Variants in HIVEP3 observed in about 807,000 individuals in gnomAD.
The protein encoded by HIVEP3 is HIVEP zinc finger 3, also known as transcription factor HIVEP3.
HIVEP3 carries 49 observed loss-of-function variants against 152.8 expected under a neutral mutation model. The ratio of observed to expected loss-of-function variants is 0.32; its 90% CI spans 0.26 to 0.41. The LOEUF is 0.41. HIVEP3 is among the 10% of genes least tolerant of loss of function. The pLI is 1.00. For synonymous variants in HIVEP3, 1,269 were observed against 1,289.0 expected, an observed-to-expected ratio of 0.98 and a Z score of 0.33; for missense variants, 2,790 against 3,103.3, an observed-to-expected ratio of 0.90 and a Z score of 2.40.
At chr1:42,011,532 C>T (rs748068173) in intron 1 of HIVEP3, among the ~76,000 whole-genome samples, 2 of 152,204 alleles carry the variant, frequency 1.3e-5, no homozygotes, top group Non-Finnish European at 2.9e-5. Context: ...AGATATCACA[C>T]CACCATCACC....
intron 1 of HIVEP3, among the ~76,000 whole-genome samples, chr1:41,914,638 C>T (rs975769380): frequency 1.3e-5 from 2 of 152,190 alleles, no homozygotes; most frequent in African/African-American, 2.4e-5. Flanking sequence ...TGGCACTGCT[C>T]GTGTATCTCA....
chr1:41,984,988 AG>A (rs796593294), intron 1 of HIVEP3, among the ~76,000 whole-genome samples: 22 of 152,138 alleles, frequency 1.4e-4, no homozygotes, highest in African/African-American at 4.1e-4. Flanking sequence ...AAAAAAAAAA[AG>A]GACCTGCTTT....
intron 1 of HIVEP3, among the ~76,000 whole-genome samples, chr1:41,906,122 A>G (rs965130950): frequency 1.3e-5 from 2 of 152,204 alleles, no homozygotes; most frequent in Non-Finnish European, 2.9e-5. Flanking sequence ...AGCCTGACCA[A>G]CATGGTGAAA....
At chr1:41,907,254 T>A (rs1013097801) in intron 1 of HIVEP3, among the ~76,000 whole-genome samples, 4 of 152,132 alleles carry the variant, frequency 2.6e-5, no homozygotes, top group Admixed American at 1.3e-4. Context: ...ACCCCTGAAT[T>A]GTTTTCTCCA....
At chr1:41,525,072 C>A (rs778215899) in intron 5 of HIVEP3, among the ~76,000 whole-genome samples, 162 bp from the exon 6 acceptor site, 12 of 152,190 alleles carry the variant, frequency 7.9e-5, no homozygotes, top group Non-Finnish European at 1.5e-4. Context: ...GGAACTGAGT[C>A]ACCCTGGTGA....
intron 1 of HIVEP3, among the ~76,000 whole-genome samples, chr1:42,022,400 T>TA (rs1645559870): frequency 6.6e-6 from 1 of 152,154 alleles, no homozygotes; most frequent in Admixed American, 6.6e-5. Context: ...CTTCAATACA[T>TA]AGATCAAATC....
chr1:41,685,685 A>T (rs895780973), intron 2 of HIVEP3, among the ~76,000 whole-genome samples: 5 of 152,194 alleles, frequency 3.3e-5, no homozygotes, highest in African/African-American at 1.2e-4. Context: ...TCCTTTTTGG[A>T]ACAGAGTCAG....
intron 2 of HIVEP3, among the ~76,000 whole-genome samples, chr1:41,694,212 C>A (rs1209954533): frequency 1.3e-5 from 2 of 152,080 alleles, no homozygotes; most frequent in Non-Finnish European, 2.9e-5. Flanking sequence ...TGCTTTCTAA[C>A]TGCCTTATTT....
chr1:41,901,376 A>G (rs1188346043), intron 1 of HIVEP3, among the ~76,000 whole-genome samples: 2 of 152,098 alleles, frequency 1.3e-5, no homozygotes, highest in Admixed American at 1.3e-4. Flanking sequence ...TCCAGATGAG[A>G]TGCATGGAAA....
chr1:41,579,805 C>T lies in HIVEP3; in HGVS notation c.4993G>A (p.Ala1665Thr), dbSNP rs766510931. Residue 1665 changes from alanine (A) to threonine (T), a missense_variant, in exon 4 of 9, where the codon GCC becomes ACC. By Grantham distance (58) the Ala-to-Thr change is moderately conservative. Around this residue, in one of 9 missense-constraint regions of HIVEP3, gnomAD observed 1,078 missense variants for 1,165.3 expected, o/e 0.93. Transcript: ENST00000372583. Reference sequence around the variant, plus strand: ...CCTGCCTCAGGATGCGGAGCTGTGGCCATGGTGTATGTCTCTTTGCTCACT... The same window carrying T: ...CCTGCCTCAGGATGCGGAGCTGTGGTCATGGTGTATGTCTCTTTGCTCACT... ...QKVSKETYTMATAPHPEAGRL... is the reference protein window; with the variant it reads ...QKVSKETYTMTTAPHPEAGRL... The T allele has an allele frequency of 1.9e-6, 3 of 1,611,126 alleles. No individual in the cohort carries two copies. In the South Asian group the frequency reaches 3.3e-5, roughly 18 times the overall value.
At chr1:41,721,848 A>G (rs1646678044) in intron 1 of HIVEP3, among the ~76,000 whole-genome samples, 1 of 152,198 alleles carries the variant, frequency 6.6e-6, no homozygotes, top group African/African-American at 2.4e-5. Context: ...GGTGCTGTCC[A>G]TCGGTGCACA....
chr1:41,816,315 G>T (rs1405982299), intron 1 of HIVEP3, among the ~76,000 whole-genome samples: 1 of 152,150 alleles, frequency 6.6e-6, no homozygotes, highest in Non-Finnish European at 1.5e-5. Flanking sequence ...ATTCAAACCT[G>T]GTGAAACAAG....
chr1:42,011,910 G>A (rs775020722), intron 1 of HIVEP3, among the ~76,000 whole-genome samples: 8 of 152,046 alleles, frequency 5.3e-5, no homozygotes, highest in South Asian at 2.1e-4. Context: ...TTGCACTTTC[G>A]CTGGTGCTGT....
rs1212650727 is a variant in HIVEP3, at chr1:41,582,419, C to T, written c.2379G>A (p.Thr793=). The change falls in exon 4 of 9, where the codon ACG becomes ACA. Residue 793 remains threonine (T), a synonymous_variant. Transcript: ENST00000372583. The surrounding 1 kb of genome is among the most constrained non-coding windows in gnomAD (Gnocchi z 4.7). ...GCTGGATGACAGAAATTTCTTTGGACGTTGTTCTCCTCTCCTTCCCTGATT... is the reference window on the plus strand; with the variant it reads ...GCTGGATGACAGAAATTTCTTTGGATGTTGTTCTCCTCTCCTTCCCTGATT... ...GSESGKERRT[T]SKEISVIQHT... 19 of 1,614,048 alleles carry T rather than the reference C, an allele frequency of 1.2e-5. No homozygotes were observed. Among genetic ancestry groups the T allele is most frequent in the African/African-American group, 5.3e-5 (4 of 74,914 alleles).
At chr1:41,595,195 A>G (rs1249681462) in intron 3 of HIVEP3, among the ~76,000 whole-genome samples, 2 of 151,982 alleles carry the variant, frequency 1.3e-5, no homozygotes, top group African/African-American at 4.8e-5. Flanking sequence ...CCTCCTAATC[A>G]CCTTGCTTCC....
intron 1 of HIVEP3, among the ~76,000 whole-genome samples, chr1:41,784,337 A>G (rs942802539): frequency 1.3e-5 from 2 of 152,264 alleles, no homozygotes; most frequent in Non-Finnish European, 2.9e-5. Flanking sequence ...ACATGTTGAA[A>G]TAACCTTTTG....
At chr1:41,978,136 A>C (rs1325956920) in intron 1 of HIVEP3, among the ~76,000 whole-genome samples, 1 of 152,218 alleles carries the variant, frequency 6.6e-6, no homozygotes, top group Non-Finnish European at 1.5e-5. Flanking sequence ...GTTTACAACC[A>C]AAGTGAGCAC....
At chr1:41,656,585 G>T (rs976538288) in intron 2 of HIVEP3, among the ~76,000 whole-genome samples, 1 of 152,176 alleles carries the variant, frequency 6.6e-6, no homozygotes, top group African/African-American at 2.4e-5. Context: ...GCACTGATGG[G>T]CTGAGATGAC....
At chr1:41,629,516 A>T (rs1645163335) in intron 2 of HIVEP3, among the ~76,000 whole-genome samples, 1 of 152,242 alleles carries the variant, frequency 6.6e-6, no homozygotes, top group Admixed American at 6.5e-5. Context: ...AATGTCTACA[A>T]ACTGTGCATC....
Sources: allele counts gnomAD v4.1 joint callset (sites outside exome capture counted in the v4.1 genomes callset), GRCh38; gene constraint gnomAD v4.1.1; regional missense constraint gnomAD v4.1.1; non-coding constraint Gnocchi (gnomAD v3.1); transcripts MANE v1.5; gene names NCBI Gene and HGNC (gene_info 2026-07-23, HGNC 2026-07-21).